Variants in SLC6A2 observed in about 807,000 individuals in gnomAD.
The protein encoded by SLC6A2 is sodium-dependent noradrenaline transporter.
In SLC6A2, 26 loss-of-function variants were observed where a neutral mutation model predicts 71.7. That is an observed-to-expected ratio of 0.36 (90% CI 0.27 to 0.50). The LOEUF (loss-of-function observed/expected upper bound fraction) is 0.50, where lower values mean the gene tolerates loss of function less well. SLC6A2 is among the 20% of genes least tolerant of loss of function. SLC6A2 has a pLI of 0.96. For missense variants in SLC6A2, 581 were observed against 803.9 expected (o/e 0.72, Z 3.35); for synonymous variants, 363 against 337.9 (o/e 1.07, Z -0.82).
intron 12 of SLC6A2, 47 bp from the exon 13 acceptor site, chr16:55,700,092 C>T (rs776098755): frequency 1.3e-6 from 2 of 1,545,114 alleles, no homozygotes; most frequent in Admixed American, 1.7e-5. Flanking sequence ...TTTCTTGTCT[C>T]TCTTCTGTCC....
chr16:55,658,338 C>T (rs1964515719), intron 2 of SLC6A2, among the ~76,000 whole-genome samples: 1 of 152,084 alleles, frequency 6.6e-6, no homozygotes, highest in Non-Finnish European at 1.5e-5. Flanking sequence ...ATGGTGAGAC[C>T]TCGTCTCTAC....
intron 5 of SLC6A2, among the ~76,000 whole-genome samples, chr16:55,689,885 G>T (rs547205943): frequency 2.0e-5 from 3 of 152,330 alleles, no homozygotes; most frequent in African/African-American, 7.2e-5. Flanking sequence ...TGGATAACAT[G>T]AAACAGAGGA....
intron 2 of SLC6A2, among the ~76,000 whole-genome samples, chr16:55,665,700 C>T (rs978965503): frequency 4.6e-5 from 7 of 152,048 alleles, no homozygotes; most frequent in Admixed American, 2.6e-4. Flanking sequence ...CAGCCCTCTA[C>T]CTGGGGTCCT....
chr16:55,666,304 T>G (rs1964748570), intron 2 of SLC6A2, among the ~76,000 whole-genome samples: 1 of 152,056 alleles, frequency 6.6e-6, no homozygotes. Flanking sequence ...TTTTAGGGGG[T>G]TTGCAACCAG....
At chr16:55,674,888 G>A (rs1275984690) in intron 4 of SLC6A2, among the ~76,000 whole-genome samples, 4 of 152,188 alleles carry the variant, frequency 2.6e-5, no homozygotes, top group Admixed American at 6.5e-5. Flanking sequence ...TTGCTGGGTC[G>A]AATGGTGGTT....
At chr16:55,677,665 T>TTTTGTTTGTTTGTTTGTTTGTTTG (rs139207409) in intron 4 of SLC6A2, among the ~76,000 whole-genome samples, 1 of 150,624 alleles carries the variant, frequency 6.6e-6, no homozygotes, top group African/African-American at 2.4e-5. Flanking sequence ...CAGAGTTGTT[T>TTTTGTTTGTTTGTTTGTTTGTTTG]TTTGTTTGTT....
At chr16:55,696,848 G>A (rs1245649870) in intron 9 of SLC6A2, among the ~76,000 whole-genome samples, 1 of 152,126 alleles carries the variant, frequency 6.6e-6, no homozygotes, top group Non-Finnish European at 1.5e-5. Context: ...GCTGAGCATG[G>A]TGTTGTATGC....
intron 4 of SLC6A2, among the ~76,000 whole-genome samples, chr16:55,681,608 T>C (rs1285882918): frequency 6.6e-6 from 1 of 152,272 alleles, no homozygotes. Flanking sequence ...GCATCGCTGG[T>C]GGTCTTCAGC....
At chr16:55,683,374 G>A (rs1194098573) in intron 4 of SLC6A2, among the ~76,000 whole-genome samples, 1 of 152,198 alleles carries the variant, frequency 6.6e-6, no homozygotes, top group Non-Finnish European at 1.5e-5. Flanking sequence ...CACTTTGGGA[G>A]GCCAAGGCAG....
In SLC6A2 at chr16:55,656,825, G is replaced by C. The variant is rs759261425; in HGVS notation, c.131G>C (p.Cys44Ser). The C allele has an allele frequency of 6.2e-7, 1 of 1,613,480 alleles. No individual in the cohort carries two copies. The highest frequency in any genetic ancestry group is 1.7e-5 in the Admixed American group (1 of 59,998). Residue 44 changes from cysteine to serine, a missense_variant, in exon 2 of 15, where the codon TGC (cysteine) becomes TCC (serine). By Grantham distance (112) the Cys-to-Ser change is moderately radical (BLOSUM62 -1). Coordinates refer to ENST00000568943, the MANE Select transcript of SLC6A2 (RefSeq NM_001172501.3). This position sits in a 1 kb window ranked among gnomAD's most constrained non-coding sequence, Gnocchi z 4.5. Reference sequence around the variant, plus strand: ...GTGAAGGAGCGCAACGGCGTCCAGTGCCTGCTGGCGCCCCGCGACGGCGAC... The same window carrying C: ...GTGAAGGAGCGCAACGGCGTCCAGTCCCTGCTGGCGCCCCGCGACGGCGAC... ...LVVKERNGVQ[C>S]LLAPRDGDAQ...
intron 4 of SLC6A2, among the ~76,000 whole-genome samples, chr16:55,679,202 T>A (rs545761940): frequency 1.3e-5 from 2 of 152,004 alleles, no homozygotes; most frequent in African/African-American, 4.8e-5. Flanking sequence ...ATAGGGTCAG[T>A]ACATGCCTCT....
At chr16:55,690,042 T>TAA (rs1308310776) in intron 5 of SLC6A2, among the ~76,000 whole-genome samples, 2 of 152,178 alleles carry the variant, frequency 1.3e-5, no homozygotes, top group African/African-American at 4.8e-5. Context: ...ATTTATCACT[T>TAA]ACCCACTCAT....
chr16:55,657,043 G>C, intron 2 of SLC6A2, 75 bp downstream of exon 2: 1 of 1,533,022 alleles, frequency 6.5e-7, no homozygotes, highest in East Asian at 2.3e-5. Flanking sequence ...ACAGGAGCTG[G>C]AATACACACG....
chr16:55,702,424 C>G lies in SLC6A2; in HGVS notation c.*78C>G, dbSNP rs1966001568. ...ATCCGCTGCGCTCCCACCTCGGACA[C>G]CATCTTGGGATTCCTCCCCTGGAAG... is the stretch of plus-strand genomic sequence containing the variant. On this transcript the variant is annotated 3_prime_UTR_variant, in exon 15 of 15. Coordinates refer to ENST00000568943, the MANE Select transcript of SLC6A2 (RefSeq NM_001172501.3). 8.7e-6 allele frequency: 14 copies of G among 1,613,300 alleles called. No homozygotes were observed. The highest frequency in any genetic ancestry group is 1.2e-5 in the Non-Finnish European group (14 of 1,179,558).
At chr16:55,697,386 A>G (rs1293727262) in intron 9 of SLC6A2, among the ~76,000 whole-genome samples, 1 of 152,220 alleles carries the variant, frequency 6.6e-6, no homozygotes, top group African/African-American at 2.4e-5. Flanking sequence ...GCAGTGGGAT[A>G]TGAGACCCTT....
intron 5 of SLC6A2, 148 bp from the exon 6 acceptor site, chr16:55,691,770 T>G (rs1965636677): frequency 2.2e-6 from 2 of 915,596 alleles, no homozygotes; most frequent in Admixed American, 4.0e-5. Context: ...GGGCCTTGCC[T>G]AGAGCTGGAA....
intron 2 of SLC6A2, among the ~76,000 whole-genome samples, chr16:55,657,334 G>T (rs897169483): frequency 2.6e-5 from 4 of 152,104 alleles, no homozygotes; most frequent in Non-Finnish European, 5.9e-5. Flanking sequence ...CCTTTTGATG[G>T]TCTGCTGGAA....
At chr16:55,683,638 G>T (rs368950161) in intron 4 of SLC6A2, among the ~76,000 whole-genome samples, 2 of 144,902 alleles carry the variant, frequency 1.4e-5, no homozygotes, top group African/African-American at 5.2e-5. Context: ...ACAAACAAAC[G>T]AAACAAAACA....
In SLC6A2 at chr16:55,703,925, C is replaced by T. The variant is rs141243073; in HGVS notation, c.*1579C>T. The T allele has an allele frequency of 3.2e-3, 1,285 of 406,140 alleles. 66 individuals carry two copies. The South Asian group carries it at 0.097, about 31-fold the overall frequency. 25.2% of individuals were successfully genotyped at this position (406,140 alleles called of 1,614,324 possible). A position where few individuals can be genotyped will look rare whatever the true frequency, so the allele number is the denominator to read the frequency against. ...TGAGGTTTCCTTGCTGGGTCGGGGTCCTCAGGTCATTCTATAGATAAAAGA... is the reference window on the plus strand; with the variant it reads ...TGAGGTTTCCTTGCTGGGTCGGGGTTCTCAGGTCATTCTATAGATAAAAGA... On this transcript the variant is annotated 3_prime_UTR_variant, in exon 15 of 15. Transcript: ENST00000568943.
Sources: allele counts gnomAD v4.1 joint callset (sites outside exome capture counted in the v4.1 genomes callset), GRCh38; gene constraint gnomAD v4.1.1; non-coding constraint Gnocchi (gnomAD v3.1); transcripts MANE v1.5; gene names NCBI Gene and HGNC (gene_info 2026-07-23, HGNC 2026-07-21).